The following HOXB9 variants were observed in gnomAD, a reference collection of about 807,000 sequenced individuals.
HOXB9 encodes homeobox B9.
In HOXB9, 10 loss-of-function variants were observed where a neutral mutation model predicts 21.5. That is an observed-to-expected ratio of 0.47 (90% CI 0.29 to 0.79). The LOEUF (loss-of-function observed/expected upper bound fraction) is 0.79, where lower values mean the gene tolerates loss of function less well. Among genes scored for constraint, HOXB9 ranks in the 30% least tolerant of loss-of-function variants. The pLI, the probability that HOXB9 is intolerant of heterozygous loss-of-function variation, is 0.10. For missense variants in HOXB9, 375 were observed against 338.7 expected, an observed-to-expected ratio of 1.11 and a Z score of -0.84; for synonymous variants, 156 against 151.2, an observed-to-expected ratio of 1.03 and a Z score of -0.23.
intron 1 of HOXB9, among the ~76,000 whole-genome samples, chr17:48,625,108 G>A (rs1320924340): frequency 6.6e-6 from 1 of 152,268 alleles, no homozygotes. Context: ...GGAGGGGCCG[G>A]CGCATCCGGG....
intron 1 of HOXB9, among the ~76,000 whole-genome samples, chr17:48,625,237 G>C (rs1387174614): frequency 6.6e-6 from 1 of 152,384 alleles, no homozygotes; most frequent in East Asian, 1.9e-4. Context: ...CTGTTGCATC[G>C]CAAATAAAAT....
intron 1 of HOXB9, 75 bp downstream of exon 1, chr17:48,625,678 C>T: frequency 2.8e-6 from 4 of 1,415,286 alleles, no homozygotes; most frequent in East Asian, 5.3e-5. Context: ...ACATTGTCCG[C>T]AGTTTATTGC....
rs757263338 is a variant in HOXB9, at chr17:48,621,196, T to C, written c.*1704A>G. On this transcript the variant is annotated 3_prime_UTR_variant, in exon 2 of 2. Coordinates refer to ENST00000311177, the MANE Select transcript of HOXB9 (RefSeq NM_024017.5). ...GATATATATTTTTTGTTCTTTTTCT[T>C]TTTTTCTTCCAAAACAAACAATTAG... 6.6e-6 allele frequency: 1 copy of C among 152,502 alleles called. No individual in the cohort carries two copies. Among genetic ancestry groups the C allele is most frequent in the African/African-American group, 2.4e-5 (1 of 41,362 alleles). 9.4% of individuals were successfully genotyped at this position (152,502 alleles called of 1,614,324 possible). A position where few individuals can be genotyped will look rare whatever the true frequency, so the allele number is the denominator to read the frequency against.
In HOXB9 at chr17:48,622,029, G is replaced by C. The variant is rs1479911367; in HGVS notation, c.*871C>G. On this transcript the variant is annotated 3_prime_UTR_variant, in exon 2 of 2. Coordinates refer to ENST00000311177, the MANE Select transcript of HOXB9 (RefSeq NM_024017.5). ...TGAACAGGAGGACAACATTGTCAAG[G>C]CTCTACGACCCACAGTTTGACCTTC... 6.6e-6 allele frequency: 1 copy of C among 152,258 alleles called. No individual in the cohort carries two copies. The highest frequency in any genetic ancestry group is 1.9e-4 in the East Asian group (1 of 5,204). 9.4% of individuals were successfully genotyped at this position (152,258 alleles called of 1,614,324 possible).
chr17:48,625,619 C>T (rs540664499), intron 1 of HOXB9, 134 bp downstream of exon 1: 21 of 1,106,526 alleles, frequency 1.9e-5, no homozygotes, highest in South Asian at 1.9e-4. Context: ...TCCTTCCTCT[C>T]CCCTCCTCCT....
rs867010808 is a variant in HOXB9, at chr17:48,622,994, C to A, written c.659G>T (p.Arg220Ile). The A allele has an allele frequency of 6.2e-7, 1 of 1,614,262 alleles. No individual in the cohort carries two copies. Among genetic ancestry groups the A allele is most frequent in the African/African-American group, 1.3e-5 (1 of 75,064 alleles). Reference sequence around the variant, plus strand: ...TTGTCTCTCACTCAGATTGAGGAGTCTGGCCACTTCGTGCCTACGGTCCCT... The same window carrying A: ...TTGTCTCTCACTCAGATTGAGGAGTATGGCCACTTCGTGCCTACGGTCCCT... ...LTRDRRHEVA[R>I]LLNLSERQVK... The change falls in exon 2 of 2, where the codon AGA becomes ATA. Residue 220 changes from arginine to isoleucine, a missense_variant. Coordinates refer to ENST00000311177, the MANE Select transcript of HOXB9 (RefSeq NM_024017.5).
chr17:48,625,331 C>G (rs2070802987), intron 1 of HOXB9, among the ~76,000 whole-genome samples: 1 of 152,352 alleles, frequency 6.6e-6, no homozygotes, highest in African/African-American at 2.4e-5. Flanking sequence ...CGCACGGCCC[C>G]GGGCAGCCCA....
chr17:48,625,230 T>C (rs2145011097), intron 1 of HOXB9, among the ~76,000 whole-genome samples: 1 of 152,358 alleles, frequency 6.6e-6, no homozygotes, highest in Non-Finnish European at 1.5e-5. Context: ...CGCCAAGCTG[T>C]TGCATCGCAA....
intron 1 of HOXB9, among the ~76,000 whole-genome samples, chr17:48,623,750 T>C (rs2070789919): frequency 2.6e-5 from 4 of 152,318 alleles, no homozygotes; most frequent in Middle Eastern, 3.4e-3. Flanking sequence ...AATATGGGTC[T>C]GCACTTAGAG....
chr17:48,624,484 G>A lies in HOXB9; in HGVS notation c.517+1269C>T, dbSNP rs145310496. 1.4e-4 allele frequency among the ~76,000 whole-genome samples: 22 copies of A among 152,252 alleles called. No homozygotes were observed. In the East Asian group the frequency reaches 3.5e-3, roughly 24 times the overall value. Reference sequence around the variant, plus strand: ...TTGGGGAAGAATGTGTTCCCTAAATGCCAGCTCTTAGGATTCCACCTGGCA... The same window carrying A: ...TTGGGGAAGAATGTGTTCCCTAAATACCAGCTCTTAGGATTCCACCTGGCA... On this transcript the variant is annotated intron_variant, in intron 1 of 1. Transcript: ENST00000311177.
Position 48,625,967 on chromosome 17 carries a change from C to T in HOXB9, c.303G>A (p.Pro101=), listed in dbSNP as rs753614543. ...CCGGGGCCGCTTCGCCGCGCGGCGC[C>T]GGCTCCAGCCAGGTGCGGAGGTACC... ...ESRYLRTWLE[P]APRGEAAPGQ... Residue 101 remains proline (P), a synonymous_variant, in exon 1 of 2, where the codon CCG becomes CCA. Transcript: ENST00000311177. 13 of 1,490,376 alleles carry T rather than the reference C, an allele frequency of 8.7e-6. 1 individual carries two copies. The South Asian group carries it at 1.5e-4, about 17-fold the overall frequency. 92.3% of individuals were successfully genotyped at this position (1,490,376 alleles called of 1,614,324 possible).
In HOXB9 at chr17:48,626,068, G is replaced by T; in HGVS notation, c.202C>A (p.Pro68Thr). 6.3e-7 allele frequency: 1 copy of T among 1,577,632 alleles called. No individual in the cohort carries two copies. Among genetic ancestry groups the T allele is most frequent in the Non-Finnish European group, 8.6e-7 (1 of 1,168,872 alleles). Residue 68 changes from proline to threonine, a missense_variant, in exon 1 of 2, where the codon CCG becomes ACG. Transcript: ENST00000311177. Reference sequence around the variant, plus strand: ...GACGGCAGGCTCCCGGACGCGTGCGGGCTCAGCGGCGCCCAGGAGGCGCCG... The same window carrying T: ...GACGGCAGGCTCCCGGACGCGTGCGTGCTCAGCGGCGCCCAGGAGGCGCCG... ...VFGASWAPLS[P>T]HASGSLPSVY...
At chr17:48,624,842 G>A (rs1359837032) in intron 1 of HOXB9, among the ~76,000 whole-genome samples, 1 of 152,108 alleles carries the variant, frequency 6.6e-6, no homozygotes, top group Admixed American at 6.5e-5. Flanking sequence ...GGAGTGGGAG[G>A]TGACGGGAAA....
In HOXB9 at chr17:48,626,176, G is replaced by A; in HGVS notation, c.94C>T (p.Gln32Ter). The change falls in exon 1 of 2, where the codon CAG becomes TAG. Residue 32 changes from glutamine (Q) to a stop codon, truncating the protein, a stop_gained. Transcript: ENST00000311177. LOFTEE classifies it high-confidence loss of function. Reference protein sequence around the residue: ...DAPPAKFPSGQYASSRQPGHA... With the variant: ...DAPPAKFPSG ...CCCGGCTGCCGCGAGCTCGCGTACT[G>A]GCCAGAAGGAAACTTGGCTGGAGGC... 1 of 1,599,192 alleles carries A rather than the reference G, an allele frequency of 6.3e-7. No individual in the cohort carries two copies. The highest frequency in any genetic ancestry group is 2.2e-5 in the East Asian group (1 of 44,836).
In HOXB9 at chr17:48,624,989, C is replaced by T. The variant is rs527584333; in HGVS notation, c.517+764G>A. 7.7e-4 allele frequency among the ~76,000 whole-genome samples: 117 copies of T among 152,324 alleles called. 1 individual carries two copies. The highest frequency in any genetic ancestry group is 2.6e-3 in the African/African-American group (108 of 41,586). ...CTCCCCAAGAGGCGGACAGCCCGGG[C>T]TGGGGCTCGGGAGCCCCGCAGAGAG... On this transcript the variant is annotated intron_variant, in intron 1 of 1. Coordinates refer to ENST00000311177, the MANE Select transcript of HOXB9 (RefSeq NM_024017.5).
At chr17:48,625,620 CCCT>C in intron 1 of HOXB9, 130 bp downstream of exon 1, 4 of 1,115,884 alleles carry the variant, frequency 3.6e-6, no homozygotes, top group South Asian at 1.9e-5. Flanking sequence ...CCTTCCTCTC[CCCT>C]CCTCCTCCCG....
intron 1 of HOXB9, among the ~76,000 whole-genome samples, 169 bp downstream of exon 1, chr17:48,625,584 G>T (rs1308526870): frequency 6.6e-6 from 1 of 152,206 alleles, no homozygotes; most frequent in Non-Finnish European, 1.5e-5. Flanking sequence ...TCTAGAGCAC[G>T]CAGCTTTCCC....
At position 48,625,824 on chromosome 17, in the gene HOXB9, G is replaced by A; in HGVS notation, c.446C>T (p.Ser149Phe). ...GTCCCCGTAGCCGGGTCTTTGATTAGACAGCACGGCCTCCCTGCCCGCCGA... is the reference window on the plus strand; with the variant it reads ...GTCCCCGTAGCCGGGTCTTTGATTAAACAGCACGGCCTCCCTGCCCGCCGA... ...ETSAGREAVL[S>F]NQRPGYGDNK... The change falls in exon 1 of 2, where the codon TCT (serine) becomes TTT (phenylalanine). Residue 149 changes from serine (S) to phenylalanine (F), a missense_variant. Ser to Phe is a radical substitution (Grantham distance 155). Transcript: ENST00000311177. The A allele has an allele frequency of 1.2e-6, 2 of 1,610,782 alleles. No homozygotes were observed. Among genetic ancestry groups the A allele is most frequent in the Non-Finnish European group, 1.7e-6 (2 of 1,178,814 alleles).
rs2070770872 is a variant in HOXB9, at chr17:48,621,609, G to A, written c.*1291C>T. 1 of 152,322 alleles carries A rather than the reference G, an allele frequency of 6.6e-6. No individual in the cohort carries two copies. The highest frequency in any genetic ancestry group is 1.5e-5 in the Non-Finnish European group (1 of 68,082). 9.4% of individuals were successfully genotyped at this position (152,322 alleles called of 1,614,324 possible). A position where few individuals can be genotyped will look rare whatever the true frequency, so the allele number is the denominator to read the frequency against. On this transcript the variant is annotated 3_prime_UTR_variant, in exon 2 of 2. Transcript: ENST00000311177. ...AGCAGGAGGCCAAGCCCGGCCCTGG[G>A]GCGGGTCTCCTTTGGCGCTGGGGCT...
Sources: gnomAD v4.1 joint callset for allele counts (sites outside exome capture counted in the v4.1 genomes callset) on GRCh38, gnomAD v4.1.1 for gene constraint, MANE v1.5 for transcripts, NCBI Gene and HGNC (gene_info 2026-07-23, HGNC 2026-07-21) for gene names.